Variants in DHX33 observed in about 807,000 individuals in gnomAD.
The protein encoded by DHX33 is DEAH-box helicase 33.
Under a neutral mutation model 72.5 loss-of-function variants are expected in DHX33, and 42 were observed. The observed-to-expected ratio is 0.58, with a 90% CI of 0.45 to 0.75. DHX33 has a LOEUF of 0.75. Among genes scored for constraint, DHX33 ranks in the 30% least tolerant of loss-of-function variants. The pLI, the probability that DHX33 is intolerant of heterozygous loss-of-function variation, is 0.00. For synonymous variants in DHX33, 358 were observed against 366.1 expected (o/e 0.98, Z 0.25); for missense variants, 842 against 917.5 (o/e 0.92, Z 1.06).
chr17:5,450,494 C>A, intron 9 of DHX33, 88 bp from the exon 10 acceptor site: 1 of 1,418,198 alleles, frequency 7.1e-7, no homozygotes. Flanking sequence ...TGCAGTTTCC[C>A]TTCTAAGGAG....
chr17:5,468,459 T>G, intron 1 of DHX33, 112 bp downstream of exon 1: 1 of 1,350,938 alleles, frequency 7.4e-7, no homozygotes, highest in Non-Finnish European at 1.0e-6. Flanking sequence ...AGAAAAGGTA[T>G]TCAGGTTTGT....
rs1208717561 is a variant in DHX33, at chr17:5,444,495, A to G, written c.1834T>C (p.Ser612Pro). ...ICLKMSMPIA[S>P]SRGDVESVRR... is the part of the protein sequence containing the mutation. ...ACACTCTCCACGTCTCCTCGGGATG[A>G]TGCGATTGGCATTGACATCTGTTTC... Residue 612 changes from serine to proline, a missense_variant, in exon 12 of 12, where the codon TCA becomes CCA. Transcript: ENST00000225296. The surrounding 1 kb of genome is among the most constrained non-coding windows in gnomAD (Gnocchi z 4.9). 1.2e-6 allele frequency: 2 copies of G among 1,613,736 alleles called. No homozygotes were observed. The highest frequency in any genetic ancestry group is 3.3e-5 in the Admixed American group (2 of 59,992).
intron 1 of DHX33, among the ~76,000 whole-genome samples, chr17:5,465,904 A>G (rs915244734): frequency 1.3e-5 from 2 of 152,202 alleles, no homozygotes; most frequent in Admixed American, 6.5e-5. Flanking sequence ...GCCCTTCTGC[A>G]GTGCACCATC....
rs1904675112 is a variant in DHX33, at chr17:5,462,311, C to T, written c.678+8G>A. ...CCCTCATACTTTCAGGGGAAGTTTC[C>T]CTCATACTTTCAGAGGAAGTTTCCC... On this transcript the variant is annotated splice_region_variant and intron_variant, in intron 3 of 11. Coordinates refer to ENST00000225296, the MANE Select transcript of DHX33 (RefSeq NM_020162.4). The T allele has an allele frequency of 6.2e-7, 1 of 1,612,332 alleles. No homozygotes were observed. The highest frequency in any genetic ancestry group is 8.5e-7 in the Non-Finnish European group (1 of 1,178,742).
rs972794071 is a variant in DHX33, at chr17:5,441,804, C to A, written c.*2401G>T. ...AAGCTACTTAGAAGCTGTTTACATC[C>A]TTTGCCTCTCAGAAAAAAAATATAC... On this transcript the variant is annotated 3_prime_UTR_variant, in exon 12 of 12. Coordinates refer to ENST00000225296, the MANE Select transcript of DHX33 (RefSeq NM_020162.4). The A allele has an allele frequency of 6.6e-6, 1 of 152,186 alleles. No homozygotes were observed. The highest frequency in any genetic ancestry group is 1.5e-5 in the Non-Finnish European group (1 of 68,036). 9.4% of individuals were successfully genotyped at this position (152,186 alleles called of 1,614,324 possible).
intron 6 of DHX33, among the ~76,000 whole-genome samples, chr17:5,454,798 C>T (rs1358563878): frequency 1.3e-5 from 2 of 152,192 alleles, no homozygotes; most frequent in Non-Finnish European, 1.5e-5. Flanking sequence ...TCCTGAGAAA[C>T]CTGGGAGCTC....
intron 11 of DHX33, among the ~76,000 whole-genome samples, chr17:5,446,519 A>G (rs1390924290): frequency 6.6e-6 from 1 of 152,200 alleles, no homozygotes; most frequent in East Asian, 1.9e-4. Context: ...CTTTGGGTTA[A>G]GGTCTGAGTT....
rs375994895 is a variant in DHX33 at position 5,444,215 on chromosome 17, G to A, written c.2114C>T (p.Ala705Val). Residue 705 changes from alanine to valine, a missense_variant, in exon 12 of 12, where the codon GCC (alanine) becomes GTC (valine). Coordinates refer to ENST00000225296, the MANE Select transcript of DHX33 (RefSeq NM_020162.4). This position sits in a 1 kb window ranked among gnomAD's most constrained non-coding sequence, Gnocchi z 4.9. ...GCATCCTGGGGCGGCTCAGTTTCTG[G>A]CGGTTCTCAGCTTCCTCCTAAAGTA... is the stretch of plus-strand genomic sequence containing the variant. Reference protein sequence around the residue: ...PEYFRRKLRTARN With the variant: ...PEYFRRKLRTVRN 1.2e-6 allele frequency: 2 copies of A among 1,612,412 alleles called. No individual in the cohort carries two copies. Among genetic ancestry groups the A allele is most frequent in the African/African-American group, 2.7e-5 (2 of 74,902 alleles).
At chr17:5,456,246 C>A in intron 4 of DHX33, 64 bp from the exon 5 acceptor site, 2 of 1,504,134 alleles carry the variant, frequency 1.3e-6, no homozygotes, top group Non-Finnish European at 1.8e-6. Flanking sequence ...CAGAAAAAGA[C>A]AATGGTGATT....
chr17:5,456,348 G>A (rs1255344820), intron 4 of DHX33, among the ~76,000 whole-genome samples, 166 bp from the exon 5 acceptor site: 2 of 152,240 alleles, frequency 1.3e-5, no homozygotes, highest in Admixed American at 6.5e-5. Flanking sequence ...CTTACCAGCA[G>A]TGTGTAAATG....
At position 5,444,167 on chromosome 17, in the gene DHX33, C is replaced by T; in HGVS notation, c.*38G>A. The stretch of plus-strand genomic sequence containing the variant: ...TGTAAGGACAACTGTAGTCCAAGCT[C>T]CCAGGGACCAGTGATTCTGGCGGCA... On this transcript the variant is annotated 3_prime_UTR_variant, in exon 12 of 12. Transcript: ENST00000225296. The surrounding 1 kb of genome is among the most constrained non-coding windows in gnomAD (Gnocchi z 4.9). The T allele has an allele frequency of 1.3e-6, 2 of 1,590,446 alleles. No individual in the cohort carries two copies. The highest frequency in any genetic ancestry group is 1.7e-6 in the Non-Finnish European group (2 of 1,166,430).
At chr17:5,448,681 T>G in intron 11 of DHX33, 128 bp downstream of exon 11, 1 of 598,802 alleles carries the variant, frequency 1.7e-6, no homozygotes, top group Non-Finnish European at 2.7e-6. Context: ...ACTTCCTTTT[T>G]TCTTATTTGT....
At chr17:5,454,608 G>C (rs1002857046) in intron 6 of DHX33, among the ~76,000 whole-genome samples, 3 of 152,158 alleles carry the variant, frequency 2.0e-5, no homozygotes, top group African/African-American at 7.2e-5. Context: ...ATGTTTACTA[G>C]AGCATTTCAG....
intron 1 of DHX33, among the ~76,000 whole-genome samples, chr17:5,464,042 G>A (rs1904761407): frequency 6.6e-6 from 1 of 151,712 alleles, no homozygotes; most frequent in Non-Finnish European, 1.5e-5. Context: ...AATAAAAAAA[G>A]AAATGCAAAT....
intron 2 of DHX33, among the ~76,000 whole-genome samples, chr17:5,463,199 A>G (rs1384067952): frequency 6.6e-6 from 1 of 152,236 alleles, no homozygotes; most frequent in East Asian, 1.9e-4. Context: ...TCTGAGACTC[A>G]TTCTCAATAC....
rs750066238 is a variant in DHX33 at position 5,462,313 on chromosome 17, TCATA to T, written c.678+2_678+5del. The stretch of plus-strand genomic sequence containing the variant: ...CTCATACTTTCAGGGGAAGTTTCCC[TCATA>T]CTTTCAGAGGAAGTTTCCCGAGTTC... On this transcript the variant is annotated splice_donor_variant and splice_donor_5th_base_variant and intron_variant, in intron 3 of 11. Transcript: ENST00000225296. LOFTEE classifies it high-confidence loss of function. The T allele has an allele frequency of 6.2e-7, 1 of 1,612,230 alleles. No individual in the cohort carries two copies. Among genetic ancestry groups the T allele is most frequent in the Admixed American group, 1.7e-5 (1 of 59,912 alleles).
chr17:5,451,086 G>A (rs1395307159), intron 8 of DHX33, 152 bp from the exon 9 acceptor site: 8 of 850,398 alleles, frequency 9.4e-6, no homozygotes, highest in East Asian at 2.6e-5. Context: ...GTCAAAGAAC[G>A]ACATCACTGT....
At chr17:5,462,270 C>A in intron 3 of DHX33, 49 bp downstream of exon 3, 1 of 1,566,036 alleles carries the variant, frequency 6.4e-7, no homozygotes. Context: ...GTTACGCATA[C>A]TTTCAGGGGA....
rs907207511 is a variant in DHX33, at chr17:5,441,035, G to T, written c.*3170C>A. 6.6e-6 allele frequency: 1 copy of T among 151,790 alleles called. No individual in the cohort carries two copies. The highest frequency in any genetic ancestry group is 1.5e-5 in the Non-Finnish European group (1 of 67,962). The allele number at this position is 151,790 out of a possible 1,614,324, so 9.4% of individuals were successfully genotyped here. ...ACCAGACTCTCAAAATACAACATAA[G>T]CCTGAACCTACTTGATTTTTTTTTC... On this transcript the variant is annotated 3_prime_UTR_variant, in exon 12 of 12. Coordinates refer to ENST00000225296, the MANE Select transcript of DHX33 (RefSeq NM_020162.4).
Sources: allele counts gnomAD v4.1 joint callset (sites outside exome capture counted in the v4.1 genomes callset), GRCh38; gene constraint gnomAD v4.1.1; non-coding constraint Gnocchi (gnomAD v3.1); transcripts MANE v1.5; gene names NCBI Gene and HGNC (gene_info 2026-07-23, HGNC 2026-07-21).